The following RANBP2 variants were observed in gnomAD, a reference collection of about 807,000 sequenced individuals.
RANBP2 encodes E3 SUMO-protein ligase RanBP2.
RANBP2 carries 57 observed loss-of-function variants against 303.6 expected under a neutral mutation model. The ratio of observed to expected loss-of-function variants is 0.19; its 90% CI spans 0.15 to 0.23. The LOEUF is 0.23. Ranked by LOEUF, RANBP2 falls within the 10% of genes least tolerant of loss-of-function variation. RANBP2 has a pLI of 1.00. For synonymous variants in RANBP2, 1,167 were observed against 1,301.5 expected (o/e 0.90, Z 2.23); for missense variants, 3,138 against 3,780.8 (o/e 0.83, Z 4.46).
the RANBP2 span, among the ~76,000 whole-genome samples, chr2:108,950,005 C>T: frequency 2.6e-5 from 4 of 152,124 alleles, no homozygotes; most frequent in Admixed American, 6.5e-5. Flanking sequence ...GCAAACTGGA[C>T]AAATCAATTG....
At chr2:109,667,918 T>C in the RANBP2 span, 2 of 194,358 alleles carry the variant, frequency 1.0e-5, no homozygotes, top group Non-Finnish European at 2.2e-5. Flanking sequence ...CAAGAGGACC[T>C]CAGAAGAAGC....
the RANBP2 span, among the ~76,000 whole-genome samples, chr2:109,700,405 A>G: frequency 6.6e-6 from 1 of 152,172 alleles, no homozygotes; most frequent in African/African-American, 2.4e-5. Flanking sequence ...ATCGATATAT[A>G]TAAGAAGTAG....
At chr2:108,930,889 C>T in the RANBP2 span, 2 of 1,524,490 alleles carry the variant, frequency 1.3e-6, no homozygotes, top group South Asian at 1.1e-5. Context: ...CATTTTACAG[C>T]TGAAGAGGCC....
At chr2:108,923,405 GCAGACC>G in the RANBP2 span, 2 of 1,614,242 alleles carry the variant, frequency 1.2e-6, no homozygotes, top group South Asian at 2.2e-5. Flanking sequence ...GGCAGGAGTA[GCAGACC>G]ATGCCATAGA....
the RANBP2 span, among the ~76,000 whole-genome samples, chr2:109,706,744 CGAAT>C: frequency 1.3e-5 from 2 of 152,178 alleles, no homozygotes; most frequent in Non-Finnish European, 2.9e-5. Flanking sequence ...GTCTGATAAG[CGAAT>C]GAATGAATGA....
the RANBP2 span, among the ~76,000 whole-genome samples, chr2:109,280,512 A>G: frequency 4.2e-4 from 64 of 152,294 alleles, no homozygotes; most frequent in African/African-American, 1.5e-3. Flanking sequence ...CTGGGGCTCC[A>G]CTGGGGCCAT....
chr2:108,761,454 T>C lies in RANBP2; in HGVS notation c.2603-647T>C, dbSNP rs372496842. 2.2e-4 allele frequency among the ~76,000 whole-genome samples: 34 copies of C among 152,324 alleles called. No individual in the cohort carries two copies. The East Asian group carries it at 2.3e-3, about 10-fold the overall frequency. Reference sequence around the variant, plus strand: ...ATAAAACAGTTCAAGCAAATGACTATTGGTAGTTTTGCCATTAACATGGGT... The same window carrying C: ...ATAAAACAGTTCAAGCAAATGACTACTGGTAGTTTTGCCATTAACATGGGT... On this transcript the variant is annotated intron_variant, in intron 18 of 28. Coordinates refer to ENST00000283195, the MANE Select transcript of RANBP2 (RefSeq NM_006267.5).
the RANBP2 span, chr2:109,760,468 C>G: frequency 6.4e-5 from 62 of 969,912 alleles, no homozygotes; most frequent in Non-Finnish European, 7.5e-5. Context: ...GCGCGGCGAG[C>G]TCGCTGCTCT....
In RANBP2 at chr2:108,772,688, G is replaced by A. The variant is rs144938712; in HGVS notation, c.8113+107G>A. 902 of 1,288,436 alleles carry A rather than the reference G, an allele frequency of 7.0e-4. 3 individuals carry two copies. The African/African-American group carries it at 0.011, about 16-fold the overall frequency. 79.8% of individuals were successfully genotyped at this position (1,288,436 alleles called of 1,614,324 possible). A position where few individuals can be genotyped will look rare whatever the true frequency, so the allele number is the denominator to read the frequency against. On this transcript the variant is annotated intron_variant, in intron 22 of 28. Coordinates refer to ENST00000283195, the MANE Select transcript of RANBP2 (RefSeq NM_006267.5). Reference sequence around the variant, plus strand: ...TAATTATCGATTTTACGATGCCCATGGTGATTTAAAAAACTTAAAACTAAC... The same window carrying A: ...TAATTATCGATTTTACGATGCCCATAGTGATTTAAAAAACTTAAAACTAAC...
At chr2:109,662,038 G>A in the RANBP2 span, among the ~76,000 whole-genome samples, 2 of 152,184 alleles carry the variant, frequency 1.3e-5, no homozygotes, top group African/African-American at 2.4e-5. Flanking sequence ...GTCCGTCTCT[G>A]TATCTGCTTG....
the RANBP2 span, among the ~76,000 whole-genome samples, chr2:109,106,001 G>A: frequency 5.9e-5 from 9 of 151,542 alleles, no homozygotes; most frequent in East Asian, 1.9e-4. Context: ...CTACAAGCAC[G>A]TGCCACCATG....
At chr2:109,365,663 G>A in the RANBP2 span, among the ~76,000 whole-genome samples, 1 of 152,126 alleles carries the variant, frequency 6.6e-6, no homozygotes, top group Non-Finnish European at 1.5e-5. Context: ...TGTGGCGGTT[G>A]TATTTAACTA....
the RANBP2 span, among the ~76,000 whole-genome samples, chr2:108,891,909 C>T: frequency 6.6e-6 from 1 of 151,966 alleles, no homozygotes; most frequent in African/African-American, 2.4e-5. Context: ...AACCATAGGC[C>T]CCAGAAAGAT....
chr2:108,788,753 A>G (rs1573892572), downstream of RANBP2: 11 of 1,466,874 alleles, frequency 7.5e-6, no homozygotes, highest in South Asian at 5.5e-5. Flanking sequence ...TTTGAGAGAG[A>G]AGATTTTAAA....
chr2:109,249,532 T>TCTTTCTTTCTTTCCTTCCTTCC, the RANBP2 span, among the ~76,000 whole-genome samples: 4 of 96,448 alleles, frequency 4.1e-5, no homozygotes, highest in Non-Finnish European at 8.1e-5. Flanking sequence ...TCTTTCTTTC[T>TCTTTCTTTCTTTCCTTCCTTCC]TTCCTTCCTT....
the RANBP2 span, chr2:108,846,605 A>G: frequency 2.0e-4 from 131 of 665,490 alleles, 3 homozygotes; most frequent in Middle Eastern, 2.5e-3. Context: ...TGAGCCCAGG[A>G]GTTTGAGGCT....
At chr2:109,712,073 T>C in the RANBP2 span, among the ~76,000 whole-genome samples, 1 of 152,244 alleles carries the variant, frequency 6.6e-6, no homozygotes, top group African/African-American at 2.4e-5. Flanking sequence ...CGCTCCATTT[T>C]GGTTTTGAAC....
chr2:109,235,155 C>T, the RANBP2 span, among the ~76,000 whole-genome samples: 1 of 152,164 alleles, frequency 6.6e-6, no homozygotes, highest in South Asian at 2.1e-4. Context: ...CTGTCTGGCC[C>T]ATGGTTTCTA....
At chr2:108,761,587 CATTTT>C (rs1676734704) in intron 18 of RANBP2, among the ~76,000 whole-genome samples, 1 of 152,088 alleles carries the variant, frequency 6.6e-6, no homozygotes. Context: ...CCAGGGAACA[CATTTT>C]ATGTTATTTA....
Sources: allele counts gnomAD v4.1 joint callset (sites outside exome capture counted in the v4.1 genomes callset), GRCh38; gene constraint gnomAD v4.1.1; transcripts MANE v1.5; gene names NCBI Gene and HGNC (gene_info 2026-07-23, HGNC 2026-07-21).